UGT1A6: variants seen among roughly 807,000 people sequenced by gnomAD.
UGT1A6 encodes the protein UDP-glucuronosyltransferase 1A6.
A neutral mutation model predicts 44.4 loss-of-function variants in UGT1A6; 32 were observed. That is an observed-to-expected ratio of 0.72 (90% CI 0.54 to 0.97). The LOEUF (loss-of-function observed/expected upper bound fraction) is 0.97, where lower values mean the gene tolerates loss of function less well. Ranked by LOEUF, UGT1A6 falls within the 50% of genes least tolerant of loss-of-function variation. UGT1A6 has a pLI of 0.00. For synonymous variants in UGT1A6, 238 were observed against 248.5 expected, an observed-to-expected ratio of 0.96 and a Z score of 0.40; for missense variants, 685 against 661.9, an observed-to-expected ratio of 1.03 and a Z score of -0.38.
At chr2:233,765,695 ATAATAATAATAATAAT>A (rs1033390367) in intron 1 of UGT1A6, among the ~76,000 whole-genome samples, 7 of 145,802 alleles carry the variant, frequency 4.8e-5, no homozygotes, top group Admixed American at 1.4e-4. Flanking sequence ...CTTCAAGTAA[ATAATAATAATAATAAT>A]TAATAATAAT....
chr2:233,752,524 A>T (rs1231920163), intron 1 of UGT1A6: 1 of 152,204 alleles, frequency 6.6e-6, no homozygotes, highest in African/African-American at 2.4e-5. Context: ...TCAATTCTAA[A>T]AATTCTTTAA....
intron 1 of UGT1A6, among the ~76,000 whole-genome samples, chr2:233,695,130 C>CTT (rs71398796): frequency 2.9e-5 from 4 of 138,836 alleles, no homozygotes; most frequent in Admixed American, 7.1e-5. Context: ...CTTTTCTTTT[C>CTT]TTTTTTTTTT....
At chr2:233,729,570 G>T (rs1300116271) in intron 1 of UGT1A6, 1 of 1,613,988 alleles carries the variant, frequency 6.2e-7, no homozygotes, top group Non-Finnish European at 8.5e-7. Flanking sequence ...CCTTTGATGT[G>T]GTTTTAACAG....
chr2:233,706,268 A>T (rs1234933778), intron 1 of UGT1A6, among the ~76,000 whole-genome samples: 1 of 152,148 alleles, frequency 6.6e-6, no homozygotes, highest in Non-Finnish European at 1.5e-5. Flanking sequence ...TGGATTGCCC[A>T]ACCTCAGGGG....
intron 1 of UGT1A6, among the ~76,000 whole-genome samples, chr2:233,722,881 G>T (rs2077046984): frequency 7.8e-5 from 9 of 115,512 alleles, no homozygotes; most frequent in Admixed American, 2.8e-4. Context: ...TAAATTTATT[G>T]CTCATTAAGT....
chr2:233,717,373 A>G (rs1210883580), intron 1 of UGT1A6, among the ~76,000 whole-genome samples: 1 of 152,192 alleles, frequency 6.6e-6, no homozygotes, highest in Admixed American at 6.5e-5. Context: ...TCAAGCCCTT[A>G]CAGACCTGCC....
In UGT1A6 at chr2:233,693,286, T is replaced by C; in HGVS notation, c.282T>C (p.Phe94=). 1 of 1,614,182 alleles carries C rather than the reference T, an allele frequency of 6.2e-7. No homozygotes were observed. The highest frequency in any genetic ancestry group is 8.5e-7 in the Non-Finnish European group (1 of 1,180,032). ...QEELKNRYQS[F]GNNHFAERSF... The stretch of plus-strand genomic sequence containing the variant: ...AGCTGAAGAACCGTTACCAATCATT[T>C]GGAAACAATCACTTTGCTGAGCGAT... The change falls in exon 1 of 5, where the codon TTT becomes TTC. Residue 94 remains phenylalanine, a synonymous_variant. Coordinates refer to ENST00000305139, the MANE Select transcript of UGT1A6 (RefSeq NM_001072.4).
At chr2:233,694,587 A>G (rs2075228279) in intron 1 of UGT1A6, among the ~76,000 whole-genome samples, 1 of 152,196 alleles carries the variant, frequency 6.6e-6, no homozygotes, top group African/African-American at 2.4e-5. Context: ...AATATTTACA[A>G]CTTTGAAGGG....
intron 1 of UGT1A6, among the ~76,000 whole-genome samples, chr2:233,714,517 G>T (rs935645959): frequency 6.6e-6 from 1 of 152,118 alleles, no homozygotes; most frequent in Non-Finnish European, 1.5e-5. Context: ...TTCTTACTAG[G>T]TTAACTTCAT....
chr2:233,722,051 T>C (rs1475748803), intron 1 of UGT1A6: 2 of 234,456 alleles, frequency 8.5e-6, no homozygotes, highest in Non-Finnish European at 1.7e-5. Flanking sequence ...GTGGTGTTTC[T>C]GGGTCAAGTG....
At chr2:233,747,707 A>G (rs1693758037) in intron 1 of UGT1A6, 3 of 1,612,682 alleles carry the variant, frequency 1.9e-6, no homozygotes, top group African/African-American at 1.3e-5. Flanking sequence ...CTAAGTACCT[A>G]TCAATTCCTG....
chr2:233,718,911 G>C, intron 1 of UGT1A6: 2 of 1,614,072 alleles, frequency 1.2e-6, no homozygotes, highest in Non-Finnish European at 1.7e-6. Flanking sequence ...GAGTGGAAAG[G>C]TGTTGGTGGT....
intron 1 of UGT1A6, among the ~76,000 whole-genome samples, chr2:233,734,140 A>T (rs2078490993): frequency 1.3e-5 from 2 of 152,148 alleles, no homozygotes; most frequent in Admixed American, 1.3e-4. Context: ...TTTGGCTGTG[A>T]ATCCATCTGG....
intron 1 of UGT1A6, among the ~76,000 whole-genome samples, chr2:233,707,710 A>G (rs556355059): frequency 6.6e-6 from 1 of 152,256 alleles, no homozygotes; most frequent in East Asian, 1.9e-4. Context: ...GCTTTTCACT[A>G]CTGTGAACAA....
At chr2:233,692,066 G>GGA (rs570948190), upstream of UGT1A6, 1 of 152,176 alleles carries the variant, frequency 6.6e-6, no homozygotes, top group Admixed American at 6.5e-5. Flanking sequence ...AGGGAAGAAA[G>GGA]GAGAGAGAGA....
intron 4 of UGT1A6, 143 bp downstream of exon 4, chr2:233,768,582 CTTTTTTTTTTT>C (rs139595073): frequency 1.7e-3 from 1,723 of 1,029,514 alleles, no homozygotes; most frequent in Middle Eastern, 4.0e-3. Flanking sequence ...TTTATTTCTT[CTTTTTTTTTTT>C]TTTTTTTTTT....
At chr2:233,718,838 G>A (rs529035115) in intron 1 of UGT1A6, 2 of 1,613,656 alleles carry the variant, frequency 1.2e-6, no homozygotes, top group East Asian at 2.2e-5. Flanking sequence ...GAGGACTCCA[G>A]GTTCCCCTGC....
At chr2:233,733,885 A>AGCTCCTG (rs2078449357) in intron 1 of UGT1A6, among the ~76,000 whole-genome samples, 1 of 152,018 alleles carries the variant, frequency 6.6e-6, no homozygotes, top group Non-Finnish European at 1.5e-5. Flanking sequence ...GAATGGTACC[A>AGCTCCTG]GCTCCTGTTT....
intron 1 of UGT1A6, chr2:233,756,054 A>G (rs530980162): frequency 6.6e-6 from 1 of 152,352 alleles, no homozygotes; most frequent in East Asian, 1.9e-4. Flanking sequence ...ACTCCACTGT[A>G]CACTTGTGGG....
Sources: allele counts gnomAD v4.1 joint callset (sites outside exome capture counted in the v4.1 genomes callset), GRCh38; gene constraint gnomAD v4.1.1; transcripts MANE v1.5; gene names NCBI Gene and HGNC (gene_info 2026-07-23, HGNC 2026-07-21).